The following VPS16 variants were observed in gnomAD, a reference collection of about 807,000 sequenced individuals.
The protein encoded by VPS16 is vacuolar protein sorting-associated protein 16 homolog.
In VPS16, 82 loss-of-function variants were observed where a neutral mutation model predicts 116.0. The ratio of observed to expected loss-of-function variants is 0.71; its 90% CI spans 0.59 to 0.85. The LOEUF (loss-of-function observed/expected upper bound fraction) is 0.85, where lower values mean the gene tolerates loss of function less well. Among genes scored for constraint, VPS16 ranks in the 40% least tolerant of loss-of-function variants. The pLI is 0.00. For missense variants in VPS16, 928 were observed against 1,090.6 expected, an observed-to-expected ratio of 0.85 and a Z score of 2.10; for synonymous variants, 406 against 420.7, an observed-to-expected ratio of 0.96 and a Z score of 0.43.
In VPS16 at chr20:2,865,004, G is replaced by A. The variant is rs1332114139; in HGVS notation, c.1953G>A (p.Leu651=). ...EERIEGRVAA[L]QTAADAFYKA... is the part of the protein sequence containing the mutation. ...GTATTGAGGGGCGAGTAGCAGCTCT[G>A]CAGACAGCCGCCGATGCCTTCTACA... Residue 651 remains leucine, a synonymous_variant, in exon 20 of 24, where the codon CTG becomes CTA. Coordinates refer to ENST00000380445, the MANE Select transcript of VPS16 (RefSeq NM_022575.4). This position sits in a 1 kb window ranked among gnomAD's most constrained non-coding sequence, Gnocchi z 5.2. 6.2e-7 allele frequency: 1 copy of A among 1,614,174 alleles called. No individual in the cohort carries two copies. The highest frequency in any genetic ancestry group is 8.5e-7 in the Non-Finnish European group (1 of 1,180,034).
At chr20:2,841,478 CA>C (rs936115065) in intron 1 of VPS16, among the ~76,000 whole-genome samples, 11 of 152,228 alleles carry the variant, frequency 7.2e-5, no homozygotes, top group African/African-American at 2.4e-4. Flanking sequence ...CTCTCCTACC[CA>C]AATCTTGCGT....
Position 2,840,943 on chromosome 20 carries a change from G to T in VPS16, c.53+116G>T, listed in dbSNP as rs1425917326. On this transcript the variant is annotated intron_variant, in intron 1 of 23. Transcript: ENST00000380445. Reference sequence around the variant, plus strand: ...TGGCGCTGGGGTCCGCCCCGCGCCGGCTCTCCCCGAGCGTCTGCCACTTAG... The same window carrying T: ...TGGCGCTGGGGTCCGCCCCGCGCCGTCTCTCCCCGAGCGTCTGCCACTTAG... The T allele has an allele frequency of 2.9e-6, 3 of 1,046,918 alleles. No homozygotes were observed. In the East Asian group the frequency reaches 8.3e-5, roughly 29 times the overall value. 64.9% of individuals were successfully genotyped at this position (1,046,918 alleles called of 1,614,324 possible).
At chr20:2,858,031 T>C (rs1237115017) in intron 1 of VPS16, among the ~76,000 whole-genome samples, 5 of 152,110 alleles carry the variant, frequency 3.3e-5, no homozygotes, top group Non-Finnish European at 5.9e-5. Flanking sequence ...AGAAAATAGA[T>C]TGATTTTTGT....
chr20:2,842,829 T>TCTATCTATCGATCG lies in VPS16; in HGVS notation c.53+2002_53+2003insCTATCTATCGATCG, dbSNP rs1568620960. On this transcript the variant is annotated intron_variant, in intron 1 of 23. Coordinates refer to ENST00000380445, the MANE Select transcript of VPS16 (RefSeq NM_022575.4). Reference sequence around the variant, plus strand: ...AGATGTATCTATCTATAGATAGACATATAGATGTATCTATCGATAGATAGA... The same window carrying TCTATCTATCGATCG: ...AGATGTATCTATCTATAGATAGACATCTATCTATCGATCGATAGATGTATCTATCGATAGATAGA... 6.8e-3 allele frequency among the ~76,000 whole-genome samples: 23 copies of TCTATCTATCGATCG among 3,394 alleles called. 3 individuals carry two copies. The highest frequency in any genetic ancestry group is 0.051 in the African/African-American group (18 of 350). The allele number at this position is 3,394 out of a possible 152,430, so 2.2% of individuals were successfully genotyped here. A position where few individuals can be genotyped will look rare whatever the true frequency, so the allele number is the denominator to read the frequency against.
intron 1 of VPS16, among the ~76,000 whole-genome samples, chr20:2,851,950 A>G (rs1260253882): frequency 2.0e-5 from 3 of 152,170 alleles, no homozygotes; most frequent in Non-Finnish European, 4.4e-5. Flanking sequence ...AGCCTGGGCG[A>G]CAGAGCGAGA....
chr20:2,853,440 A>G (rs117709906), intron 1 of VPS16, among the ~76,000 whole-genome samples: 2,358 of 152,146 alleles, frequency 0.015, 124 homozygotes, highest in Admixed American at 0.09. Context: ...TTGCTCATCC[A>G]TAAGAAGCAA....
At chr20:2,857,772 A>G (rs1482724071) in intron 1 of VPS16, among the ~76,000 whole-genome samples, 4 of 149,470 alleles carry the variant, frequency 2.7e-5, no homozygotes, top group Non-Finnish European at 6.0e-5. Context: ...GTGCAGTGGC[A>G]TGATCCTGGC....
chr20:2,851,893 G>C, intron 1 of VPS16, among the ~76,000 whole-genome samples: 1 of 152,048 alleles, frequency 6.6e-6, no homozygotes, highest in Non-Finnish European at 1.5e-5. Context: ...ATGGCGTGAA[G>C]TCGGGAGGCG....
chr20:2,847,188 G>T (rs975348891), intron 1 of VPS16, among the ~76,000 whole-genome samples: 1 of 152,076 alleles, frequency 6.6e-6, no homozygotes, highest in Non-Finnish European at 1.5e-5. Flanking sequence ...CTTTACTTTT[G>T]TACCCCTTTA....
chr20:2,865,979 G>A lies in VPS16; in HGVS notation c.2272-233G>A, dbSNP rs563142512. ...TAATGGTGGGTGGTAGAGCAGAAGC[G>A]TGGAAATAATTGGTCTCAAGTCTCT... On this transcript the variant is annotated intron_variant, in intron 22 of 23. Transcript: ENST00000380445. The surrounding 1 kb of genome is among the most constrained non-coding windows in gnomAD (Gnocchi z 5.2). 36 of 560,742 alleles carry A rather than the reference G, an allele frequency of 6.4e-5. No homozygotes were observed. The highest frequency in any genetic ancestry group is 9.3e-5 in the Non-Finnish European group (29 of 312,438). 34.7% of individuals were successfully genotyped at this position (560,742 alleles called of 1,614,324 possible).
chr20:2,853,913 T>G (rs1418941714), intron 1 of VPS16, among the ~76,000 whole-genome samples: 1 of 151,976 alleles, frequency 6.6e-6, no homozygotes, highest in Non-Finnish European at 1.5e-5. Context: ...CCTCAGGCGA[T>G]CTGCCTGCCT....
Position 2,860,443 on chromosome 20 carries a change from C to G in VPS16, c.370-6C>G. 1 of 1,614,064 alleles carries G rather than the reference C, an allele frequency of 6.2e-7. No individual in the cohort carries two copies. Among genetic ancestry groups the G allele is most frequent in the Non-Finnish European group, 8.5e-7 (1 of 1,179,994 alleles). On this transcript the variant is annotated splice_polypyrimidine_tract_variant and splice_region_variant and intron_variant, in intron 4 of 23. Coordinates refer to ENST00000380445, the MANE Select transcript of VPS16 (RefSeq NM_022575.4). The surrounding 1 kb of genome is among the most constrained non-coding windows in gnomAD (Gnocchi z 6.1). ...GCTCCCTTAACCCATGGCCCCCTTT[C>G]CTCAGGAAGTGCTCCAGAACCGGGT...
In VPS16 at chr20:2,865,817, T is replaced by A; in HGVS notation, c.2271+322T>A. 1 of 467,062 alleles carries A rather than the reference T, an allele frequency of 2.1e-6. No individual in the cohort carries two copies. The highest frequency in any genetic ancestry group is 3.7e-5 in the Admixed American group (1 of 26,830). 28.9% of individuals were successfully genotyped at this position (467,062 alleles called of 1,614,324 possible). On this transcript the variant is annotated intron_variant, in intron 22 of 23. Transcript: ENST00000380445. The surrounding 1 kb of genome is among the most constrained non-coding windows in gnomAD (Gnocchi z 5.2). ...GGAGGGGGCACAGGGAGGGTGCATATGGGAGGCAGTGGAGATACTGAGGGC... is the reference window on the plus strand; with the variant it reads ...GGAGGGGGCACAGGGAGGGTGCATAAGGGAGGCAGTGGAGATACTGAGGGC...
chr20:2,852,011 G>A (rs1018178818), intron 1 of VPS16, among the ~76,000 whole-genome samples: 1 of 152,178 alleles, frequency 6.6e-6, no homozygotes, highest in African/African-American at 2.4e-5. Context: ...AGAGGACATT[G>A]GTGGAAACAC....
At position 2,859,909 on chromosome 20, in the gene VPS16, C is replaced by G. The variant is rs139019917; in HGVS notation, c.142+102C>G. 6.4e-4 allele frequency: 942 copies of G among 1,469,144 alleles called. 5 individuals are homozygous for G. In the African/African-American group the frequency reaches 0.012, roughly 19 times the overall value. The allele number at this position is 1,469,144 out of a possible 1,614,324, so 91.0% of individuals were successfully genotyped here. On this transcript the variant is annotated intron_variant, in intron 2 of 23. Coordinates refer to ENST00000380445, the MANE Select transcript of VPS16 (RefSeq NM_022575.4). ...GTCAGGTTGTTCTTGTTGCCACCCC[C>G]CACTCACCCTGCTGAGATGCTTTTA...
intron 2 of VPS16, 46 bp downstream of exon 2, chr20:2,859,853 A>G (rs377746174): frequency 6.3e-7 from 1 of 1,578,014 alleles, no homozygotes; most frequent in Non-Finnish European, 8.6e-7. Context: ...CCTGGGATGA[A>G]CTCAAGGTCC....
chr20:2,848,586 C>T (rs1297243125), intron 1 of VPS16, among the ~76,000 whole-genome samples: 1 of 152,186 alleles, frequency 6.6e-6, no homozygotes, highest in Non-Finnish European at 1.5e-5. Flanking sequence ...CATTGTCTTG[C>T]AATTGGTGCT....
chr20:2,851,059 T>G (rs1052654752), intron 1 of VPS16, among the ~76,000 whole-genome samples: 1 of 151,930 alleles, frequency 6.6e-6, no homozygotes, highest in Non-Finnish European at 1.5e-5. Context: ...ATGACAAACT[T>G]GGAAGAGGGA....
chr20:2,858,293 G>T (rs546902772), intron 1 of VPS16, among the ~76,000 whole-genome samples: 4 of 152,106 alleles, frequency 2.6e-5, no homozygotes, highest in South Asian at 2.1e-4. Context: ...TTTTTGTAAA[G>T]ACAGGGTTTC....
Sources: allele counts gnomAD v4.1 joint callset (sites outside exome capture counted in the v4.1 genomes callset), GRCh38; gene constraint gnomAD v4.1.1; non-coding constraint Gnocchi (gnomAD v3.1); transcripts MANE v1.5; gene names NCBI Gene and HGNC (gene_info 2026-07-23, HGNC 2026-07-21).